MEFV: variants seen among roughly 807,000 people sequenced by gnomAD.
MEFV encodes the protein MEFV innate immunity regulator, pyrin.
A neutral mutation model predicts 62.5 loss-of-function variants in MEFV; 60 were observed. The observed-to-expected ratio is 0.96, with a 90% CI of 0.78 to 1.19. The LOEUF (loss-of-function observed/expected upper bound fraction) is 1.19, where lower values mean the gene tolerates loss of function less well. Among genes scored for constraint, MEFV ranks in the 50% most tolerant of loss-of-function variants. The pLI is 0.00. For synonymous variants in MEFV, 500 were observed against 415.2 expected (o/e 1.20, Z -2.48); for missense variants, 1,169 against 1,004.5 (o/e 1.16, Z -2.21).
rs148796691 is a variant in MEFV, at chr16:3,251,233, T to C, written c.911-1453A>G. ...TCCCTGCCTCCCATTGCCCCCCAAA[T>C]GCCCTGCATTTCTCAGCCTCCTTTG... On this transcript the variant is annotated intron_variant, in intron 2 of 9. Coordinates refer to ENST00000219596, the MANE Select transcript of MEFV (RefSeq NM_000243.3). Among the ~76,000 whole-genome samples, 242 of 152,198 alleles carry C rather than the reference T, an allele frequency of 1.6e-3. 8 individuals are homozygous for C. The highest frequency in any genetic ancestry group is 5.6e-3 in the African/African-American group (231 of 41,524).
In MEFV at chr16:3,249,685, C is replaced by G. The variant is rs748036598; in HGVS notation, c.1006G>C (p.Glu336Gln). The G allele has an allele frequency of 1.9e-6, 3 of 1,612,816 alleles. No individual in the cohort carries two copies. The highest frequency in any genetic ancestry group is 2.2e-5 in the East Asian group (1 of 44,858). Residue 336 changes from glutamate (E) to glutamine (Q), a missense_variant, in exon 3 of 10, where the codon GAG becomes CAG. By Grantham distance (29) the Glu-to-Gln change is conservative. Transcript: ENST00000219596. ...GCCTGGGGGTGCCCAGAAACTGCCT[C>G]GGGGAAGCTGCAGGAATCACGCACA... ...TCVRDSCSFP[E>Q]AVSGHPQASG... is the part of the protein sequence containing the mutation.
Position 3,254,518 on chromosome 16 carries a change from C to T in MEFV, c.550G>A (p.Gly184Ser). 6.4e-7 allele frequency: 1 copy of T among 1,555,788 alleles called. No homozygotes were observed. Among genetic ancestry groups the T allele is most frequent in the Non-Finnish European group, 8.7e-7 (1 of 1,154,586 alleles). Residue 184 changes from glycine to serine, a missense_variant, in exon 2 of 10, where the codon GGC becomes AGC. Gly to Ser is a moderately conservative substitution (Grantham distance 56). Coordinates refer to ENST00000219596, the MANE Select transcript of MEFV (RefSeq NM_000243.3). ...KPRTRSPALP[G>S]GRSPGPCRAL... ...CTGCAGGGGCCGGGGCTTCTCCCGC[C>T]CGGCAGGGCCGGGCTCCGGGTCCGA... is the stretch of plus-strand genomic sequence containing the variant.
Position 3,243,066 on chromosome 16 carries a change from C to T in MEFV, c.*75G>A, listed in dbSNP as rs1043942383. ...TTTCCCATAGCAGCTAGCACCTAGT[C>T]GGCATTCCGTGACTATTGAGTGTGA... On this transcript the variant is annotated 3_prime_UTR_variant, in exon 10 of 10. Coordinates refer to ENST00000219596, the MANE Select transcript of MEFV (RefSeq NM_000243.3). The T allele has an allele frequency of 3.5e-5, 53 of 1,514,094 alleles. No homozygotes were observed. The highest frequency in any genetic ancestry group is 4.5e-5 in the Non-Finnish European group (49 of 1,092,488). 93.8% of individuals were successfully genotyped at this position (1,514,094 alleles called of 1,614,324 possible).
chr16:3,246,498 A>C, intron 6 of MEFV, 27 bp downstream of exon 6: 4 of 1,613,912 alleles, frequency 2.5e-6, no homozygotes, highest in Non-Finnish European at 3.4e-6. Flanking sequence ...AAGACACCCC[A>C]GGGTACACCA....
rs797001768 is a variant in MEFV at position 3,254,593 on chromosome 16, T to C, written c.475A>G (p.Ser159Gly). 4.4e-6 allele frequency: 7 copies of C among 1,595,586 alleles called. No individual in the cohort carries two copies. In the African/African-American group the frequency reaches 6.7e-5, roughly 15 times the overall value. ...TCCGAGGCCTTCTCTCTGCGTTTGC[T>C]CAGGGGCTTCCTCGACAGCCCCCTC... is the stretch of plus-strand genomic sequence containing the variant. ...AGRGLSRKPL[S>G]KRREKASEGL... The change falls in exon 2 of 10, where the codon AGC becomes GGC. Residue 159 changes from serine (S) to glycine (G), a missense_variant. Ser to Gly is a moderately conservative substitution (Grantham distance 56). Coordinates refer to ENST00000219596, the MANE Select transcript of MEFV (RefSeq NM_000243.3).
chr16:3,249,071 T>C, intron 3 of MEFV, 67 bp from the exon 4 acceptor site: 1 of 1,472,564 alleles, frequency 6.8e-7, no homozygotes, highest in Middle Eastern at 1.7e-4. Context: ...GTGCCAACTC[T>C]GGAGGGGAAC....
intron 2 of MEFV, chr16:3,251,933 G>A: frequency 3.0e-6 from 1 of 336,964 alleles, no homozygotes; most frequent in South Asian, 2.3e-5. Flanking sequence ...AAATACAGTG[G>A]GGACCTGGTG....
At position 3,244,525 on chromosome 16, in the gene MEFV, T is replaced by C. The variant is rs747471997; in HGVS notation, c.1674A>G (p.Gln558=). ...CAAACTCTGACTTCTGGTGGAGGAG[T>C]TGGATCTTTTGTTTTATCTCTTGAG... ...TTPQEIKQKI[Q]LLHQKSEFVE... is the part of the protein sequence containing the mutation. The change falls in exon 7 of 10, where the codon CAA becomes CAG. Residue 558 remains glutamine (Q), a synonymous_variant. Coordinates refer to ENST00000219596, the MANE Select transcript of MEFV (RefSeq NM_000243.3). 13 of 1,614,002 alleles carry C rather than the reference T, an allele frequency of 8.1e-6. No individual in the cohort carries two copies. In the African/African-American group the frequency reaches 1.6e-4, roughly 20 times the overall value.
In MEFV at chr16:3,255,232, G is replaced by A. The variant is rs1356700807; in HGVS notation, c.278-442C>T. On this transcript the variant is annotated intron_variant, in intron 1 of 9. Transcript: ENST00000219596. ...CTCGGGAGGCTGAGGCATGAGAATC[G>A]CTTGAGCCCGGGATGTGGAGGTTGC... Among the ~76,000 whole-genome samples, 24 of 152,048 alleles carry A rather than the reference G, an allele frequency of 1.6e-4. 1 individual carries two copies. The highest frequency in any genetic ancestry group is 5.6e-4 in the African/African-American group (23 of 41,404).
intron 4 of MEFV, among the ~76,000 whole-genome samples, chr16:3,248,237 T>C (rs927576541): frequency 2.6e-5 from 4 of 151,478 alleles, no homozygotes; most frequent in Admixed American, 2.0e-4. Flanking sequence ...CCAGCCTGGG[T>C]GACAGAGCGA....
chr16:3,252,620 T>A (rs1039804775), intron 2 of MEFV, among the ~76,000 whole-genome samples: 13 of 151,678 alleles, frequency 8.6e-5, no homozygotes, highest in Admixed American at 7.2e-4. Context: ...TGATTTCTCC[T>A]CTCCAGCCAA....
rs1958945695 is a variant in MEFV at position 3,246,556 on chromosome 16, AAAAAG to A, written c.1588-14_1588-10del. ...AAGATGTCTCCAATGTCCTAGGAGA[AAAAAG>A]AAGGAAACTGTCGGTTACCAGGCTC... On this transcript the variant is annotated splice_polypyrimidine_tract_variant and intron_variant, in intron 5 of 9. Coordinates refer to ENST00000219596, the MANE Select transcript of MEFV (RefSeq NM_000243.3). 1.2e-6 allele frequency: 2 copies of A among 1,613,982 alleles called. No individual in the cohort carries two copies.
intron 4 of MEFV, 60 bp downstream of exon 4, chr16:3,248,849 G>C: frequency 3.1e-6 from 5 of 1,610,848 alleles, no homozygotes; most frequent in Non-Finnish European, 4.2e-6. Context: ...GGGGACCCCT[G>C]CTCACTCTTC....
chr16:3,253,453 T>C (rs551827098), intron 2 of MEFV, among the ~76,000 whole-genome samples: 274 of 152,260 alleles, frequency 1.8e-3, no homozygotes, highest in African/African-American at 5.3e-3. Flanking sequence ...TTCTCCATTC[T>C]TTGGCCACTG....
intron 2 of MEFV, among the ~76,000 whole-genome samples, 191 bp downstream of exon 2, chr16:3,253,967 A>C (rs2141676428): frequency 6.6e-6 from 1 of 151,806 alleles, no homozygotes; most frequent in South Asian, 2.1e-4. Flanking sequence ...TTGGGTTTTT[A>C]TTTTTTTAAT....
chr16:3,250,830 C>T (rs2141673151), intron 2 of MEFV, among the ~76,000 whole-genome samples: 2 of 151,588 alleles, frequency 1.3e-5, no homozygotes, highest in South Asian at 4.2e-4. Flanking sequence ...TCAAGACCAG[C>T]CTGGCCAAGA....
At chr16:3,243,809 A>G (rs1255185344) in intron 9 of MEFV, 51 bp downstream of exon 9, 1 of 1,609,160 alleles carries the variant, frequency 6.2e-7, no homozygotes, top group South Asian at 1.1e-5. Context: ...GGTAGGGGAG[A>G]GCACAGGGAT....
chr16:3,247,302 G>A (rs1958957454), intron 4 of MEFV, 56 bp from the exon 5 acceptor site: 2 of 1,538,750 alleles, frequency 1.3e-6, no homozygotes, highest in Non-Finnish European at 1.8e-6. Context: ...GGACGTGGAT[G>A]TCCAGGAACC....
intron 3 of MEFV, 50 bp from the exon 4 acceptor site, chr16:3,249,054 T>G: frequency 1.9e-6 from 3 of 1,570,252 alleles, no homozygotes; most frequent in Non-Finnish European, 2.6e-6. Flanking sequence ...CCTGCCATCT[T>G]TAGCTGGTGC....
Sources: gnomAD v4.1 joint callset for allele counts (sites outside exome capture counted in the v4.1 genomes callset) on GRCh38, gnomAD v4.1.1 for gene constraint, MANE v1.5 for transcripts, NCBI Gene and HGNC (gene_info 2026-07-23, HGNC 2026-07-21) for gene names.